FOCAD: variants seen among roughly 807,000 people sequenced by gnomAD.
FOCAD encodes focadhesin.
FOCAD carries 198 observed loss-of-function variants against 225.6 expected under a neutral mutation model. That is an observed-to-expected ratio of 0.88 (90% CI 0.78 to 0.99). FOCAD has a LOEUF of 0.99. Ranked by LOEUF, FOCAD falls within the 50% of genes least tolerant of loss-of-function variation. The pLI, the probability that FOCAD is intolerant of heterozygous loss-of-function variation, is 0.00. For synonymous variants in FOCAD, 897 were observed against 755.0 expected (o/e 1.19, Z -3.08); for missense variants, 2,713 against 2,123.6 (o/e 1.28, Z -5.46).
At chr9:20,867,526 AG>A (rs1231213193) in intron 18 of FOCAD, among the ~76,000 whole-genome samples, 1 of 152,100 alleles carries the variant, frequency 6.6e-6, no homozygotes, top group African/African-American at 2.4e-5. Flanking sequence ...TTAGGAAAAG[AG>A]GAAGTCAAAT....
At chr9:20,846,826 C>G (rs1439430908) in intron 15 of FOCAD, among the ~76,000 whole-genome samples, 1 of 152,066 alleles carries the variant, frequency 6.6e-6, no homozygotes, top group Non-Finnish European at 1.5e-5. Context: ...ATACTGATGC[C>G]AAGAGAAGAC....
chr9:20,985,031 C>T, intron 39 of FOCAD, among the ~76,000 whole-genome samples: 1 of 152,152 alleles, frequency 6.6e-6, no homozygotes, highest in East Asian at 1.9e-4. Flanking sequence ...GACCTCCTGG[C>T]CTCAAGGTGA....
At chr9:20,780,019 G>C (rs1819211638) in intron 9 of FOCAD, among the ~76,000 whole-genome samples, 1 of 152,114 alleles carries the variant, frequency 6.6e-6, no homozygotes, top group Non-Finnish European at 1.5e-5. Flanking sequence ...TCTACCCAAA[G>C]GTATAATTTA....
chr9:20,983,124 A>C (rs192686239), intron 39 of FOCAD, among the ~76,000 whole-genome samples: 199 of 152,318 alleles, frequency 1.3e-3, no homozygotes, highest in African/African-American at 4.5e-3. Flanking sequence ...CATAAGTAGC[A>C]TCAGCATCGC....
chr9:20,960,234 A>T (rs796346830), intron 35 of FOCAD, among the ~76,000 whole-genome samples: 6 of 152,278 alleles, frequency 3.9e-5, no homozygotes, highest in African/African-American at 1.4e-4. Context: ...GGTTTGCCTG[A>T]TATTTCTCAT....
In FOCAD at chr9:20,907,194, A is replaced by T. The variant is rs754285248; in HGVS notation, c.2670A>T (p.Pro890=). ...AGTGGCACCGTGCAATTTTTCTTCCACAGGCCTGGCTTGCATACATGAATC... is the reference window on the plus strand; with the variant it reads ...AGTGGCACCGTGCAATTTTTCTTCCTCAGGCCTGGCTTGCATACATGAATC... ...LSEWHRAIFL[P]QAWLAYMNRA... Residue 890 remains proline (P), a synonymous_variant, in exon 22 of 44, where the codon CCA becomes CCT. Coordinates refer to ENST00000338382, the MANE Select transcript of FOCAD (RefSeq NM_001375567.1). 3 of 1,613,054 alleles carry T rather than the reference A, an allele frequency of 1.9e-6. No individual in the cohort carries two copies. Among genetic ancestry groups the T allele is most frequent in the Admixed American group, 1.7e-5 (1 of 59,872 alleles).
intron 1 of FOCAD, among the ~76,000 whole-genome samples, chr9:20,689,339 G>A (rs1433302237): frequency 6.6e-6 from 1 of 152,078 alleles, no homozygotes; most frequent in Non-Finnish European, 1.5e-5. Flanking sequence ...TGGTACCCAG[G>A]GAGGAAGGGT....
intron 21 of FOCAD, among the ~76,000 whole-genome samples, chr9:20,898,732 G>A (rs1345322658): frequency 6.6e-6 from 1 of 151,808 alleles, no homozygotes; most frequent in Non-Finnish European, 1.5e-5. Flanking sequence ...GTTCTGATAT[G>A]TGCTCTGTCT....
chr9:20,672,952 T>A (rs997465569), intron 2 of FOCAD, among the ~76,000 whole-genome samples: 3 of 152,194 alleles, frequency 2.0e-5, no homozygotes, highest in African/African-American at 7.2e-5. Context: ...TGAAGTAAAC[T>A]GATAATTAGG....
chr9:20,791,409 A>G (rs146219202), intron 11 of FOCAD, among the ~76,000 whole-genome samples: 226 of 152,300 alleles, frequency 1.5e-3, no homozygotes, highest in African/African-American at 5.2e-3. Flanking sequence ...TGATACAGGT[A>G]TAAAATGTGC....
intron 11 of FOCAD, among the ~76,000 whole-genome samples, chr9:20,789,879 G>T (rs1395347023): frequency 6.6e-6 from 1 of 152,048 alleles, no homozygotes; most frequent in African/African-American, 2.4e-5. Context: ...CAATTTTTTG[G>T]TGGATTTGCT....
chr9:20,875,386 C>T (rs1197370848), intron 19 of FOCAD: 1 of 152,394 alleles, frequency 6.6e-6, no homozygotes, highest in Non-Finnish European at 1.5e-5. Context: ...CGCCTGTAAT[C>T]CCAACACTTT....
At chr9:20,841,796 G>T (rs1826554586) in intron 15 of FOCAD, among the ~76,000 whole-genome samples, 1 of 150,574 alleles carries the variant, frequency 6.6e-6, no homozygotes. Context: ...TCTAATTTTG[G>T]GTTTGATTTG....
chr9:20,688,212 A>G (rs1390178154), intron 1 of FOCAD, among the ~76,000 whole-genome samples: 2 of 152,212 alleles, frequency 1.3e-5, no homozygotes, highest in Non-Finnish European at 2.9e-5. Context: ...TCATGAGGCA[A>G]TGTGAGGAAT....
intron 21 of FOCAD, among the ~76,000 whole-genome samples, chr9:20,901,821 C>T (rs1000810727): frequency 1.4e-5 from 2 of 139,174 alleles, no homozygotes; most frequent in African/African-American, 5.2e-5. Context: ...ATTATAATAT[C>T]TGCTTTAAAA....
chr9:20,769,896 T>C, intron 7 of FOCAD, 136 bp from the exon 8 acceptor site: 1 of 712,698 alleles, frequency 1.4e-6, no homozygotes, highest in Non-Finnish European at 2.3e-6. Flanking sequence ...CATGGAGTTC[T>C]GTAACTTTTT....
At chr9:20,660,274 T>G (rs1035782745) in intron 2 of FOCAD, among the ~76,000 whole-genome samples, 2 of 152,224 alleles carry the variant, frequency 1.3e-5, no homozygotes, top group African/African-American at 4.8e-5. Context: ...ACCCTTTGGA[T>G]GTCACATATC....
In FOCAD at chr9:20,662,093, G is replaced by A. The variant is rs149079668; in HGVS notation, c.-78+3267G>A. Among the ~76,000 whole-genome samples the A allele has an allele frequency of 5.9e-5, 9 of 152,276 alleles. No individual in the cohort carries two copies. The East Asian group carries it at 1.7e-3, about 29-fold the overall frequency. ...AAAGAACTACTGAAAATATCTACAA[G>A]TAGTGGATGGGACATGATTTCACAG... is the stretch of plus-strand genomic sequence containing the variant. On this transcript the variant is annotated intron_variant, in intron 2 of 45. Transcript: ENST00000380249.
chr9:20,913,022 C>A, intron 23 of FOCAD, 68 bp downstream of exon 23: 2 of 1,260,896 alleles, frequency 1.6e-6, no homozygotes, highest in Non-Finnish European at 2.3e-6. Context: ...AAGGTAACTA[C>A]TTTAAAGGCT....
Sources: gnomAD v4.1 joint callset for allele counts (sites outside exome capture counted in the v4.1 genomes callset) on GRCh38, gnomAD v4.1.1 for gene constraint, MANE v1.5 for transcripts, NCBI Gene and HGNC (gene_info 2026-07-23, HGNC 2026-07-21) for gene names.